PALLD: variants seen among roughly 807,000 people sequenced by gnomAD.
The protein encoded by PALLD is palladin, cytoskeletal associated protein.
In PALLD, 61 loss-of-function variants were observed where a neutral mutation model predicts 123.5. The observed-to-expected ratio is 0.49, with a 90% confidence interval of 0.40 to 0.61. PALLD has a LOEUF of 0.61. PALLD is among the 20% of genes least tolerant of loss of function. The probability of loss-of-function intolerance (pLI) is 0.00; values close to 1 mark genes in which losing one functional copy is unlikely to be tolerated. For synonymous variants in PALLD, 465 were observed against 496.4 expected (o/e 0.94, Z 0.84); for missense variants, 1,273 against 1,377.0 (o/e 0.92, Z 1.20).
At chr4:168,663,803 T>C (rs1051049272) in intron 2 of PALLD, among the ~76,000 whole-genome samples, 1 of 152,268 alleles carries the variant, frequency 6.6e-6, no homozygotes, top group Non-Finnish European at 1.5e-5. Context: ...TGATATCAAA[T>C]GTATTTATGC....
intron 2 of PALLD, among the ~76,000 whole-genome samples, chr4:168,625,198 C>T (rs2723692): frequency 0.77 from 116,125 of 151,574 alleles, 44,668 homozygotes; most frequent in Admixed American, 0.86. Context: ...ACTGGTGTGG[C>T]GGTAGCACCC....
At chr4:168,632,110 A>T (rs1010263221) in intron 2 of PALLD, among the ~76,000 whole-genome samples, 2 of 113,962 alleles carry the variant, frequency 1.8e-5, no homozygotes, top group Admixed American at 1.1e-4. Flanking sequence ...GCTTCGCGGG[A>T]CTTTTCTGTT....
chr4:168,600,091 G>GTGTATTCACACACATATATACATA (rs1561291419), intron 2 of PALLD, among the ~76,000 whole-genome samples: 1 of 133,792 alleles, frequency 7.5e-6, no homozygotes, highest in African/African-American at 2.6e-5. Flanking sequence ...ATATATACAT[G>GTGTATTCACACACATATATACATA]CATGTGTATG....
intron 10 of PALLD, among the ~76,000 whole-genome samples, chr4:168,739,648 A>T (rs77839264): frequency 0.024 from 3,650 of 152,274 alleles, 126 homozygotes; most frequent in African/African-American, 0.074. Flanking sequence ...TACACATTCT[A>T]TGCATGTGAC....
chr4:168,668,230 A>ATTCAAATCCACTGTGAGGGAGGG lies in PALLD; in HGVS notation c.950_972dup (p.Asp325PhefsTer13), dbSNP rs769584673. On this transcript the variant is annotated frameshift_variant, in exon 3 of 22. Transcript: ENST00000505667. LOFTEE classifies it high-confidence loss of function. ...GAAAGAACTGCACAACACTCCTGAT[A>ATTCAAATCCACTGTGAGGGAGGG]TTCAAATCCACTGTGAGGGAGGGGA... The ATTCAAATCCACTGTGAGGGAGGG allele has an allele frequency of 3.1e-6, 5 of 1,614,170 alleles. No individual in the cohort carries two copies. The East Asian group carries it at 1.1e-4, about 36-fold the overall frequency.
At chr4:168,798,974 C>G (rs748767847) in intron 10 of PALLD, among the ~76,000 whole-genome samples, 8 of 152,148 alleles carry the variant, frequency 5.3e-5, no homozygotes, top group Non-Finnish European at 8.8e-5. Flanking sequence ...AATCATGAAT[C>G]GGGCAGCCCG....
intron 3 of PALLD, among the ~76,000 whole-genome samples, chr4:168,679,214 TG>T (rs1781237623): frequency 8.9e-5 from 6 of 67,060 alleles, no homozygotes; most frequent in Non-Finnish European, 8.3e-5. Flanking sequence ...TGGATGTGTG[TG>T]GGGTGTGTGT....
intron 2 of PALLD, among the ~76,000 whole-genome samples, chr4:168,664,015 T>C (rs1779381299): frequency 2.0e-5 from 3 of 152,246 alleles, no homozygotes; most frequent in Non-Finnish European, 4.4e-5. Context: ...TGTAAAATGC[T>C]ACATACATAT....
intron 17 of PALLD, among the ~76,000 whole-genome samples, chr4:168,919,086 C>T (rs1435572232): frequency 6.6e-6 from 1 of 152,082 alleles, no homozygotes; most frequent in Non-Finnish European, 1.5e-5. Context: ...TATTTTTAAT[C>T]ATATTTAAGA....
Position 168,600,101 on chromosome 4 carries a change from G to GAACA in PALLD, c.909-68089_909-68088insAACA, listed in dbSNP as rs1561291484. 1.4e-4 allele frequency among the ~76,000 whole-genome samples: 16 copies of GAACA among 116,970 alleles called. 1 individual carries two copies. The highest frequency in any genetic ancestry group is 4.1e-4 in the African/African-American group (15 of 36,812). The allele number at this position is 116,970 out of a possible 152,430, so 76.7% of individuals were successfully genotyped here. On this transcript the variant is annotated intron_variant, in intron 2 of 21. Coordinates refer to ENST00000505667, the MANE Select transcript of PALLD (RefSeq NM_001166108.2). Reference sequence around the variant, plus strand: ...CACACATATATACATGCATGTGTATGCACACATATATATACATACATGTGT... The same window carrying GAACA: ...CACACATATATACATGCATGTGTATGAACACACACATATATATACATACATGTGT...
intron 15 of PALLD, among the ~76,000 whole-genome samples, chr4:168,904,982 C>A (rs573906306): frequency 2.0e-5 from 3 of 151,716 alleles, no homozygotes; most frequent in Admixed American, 6.6e-5. Context: ...CAAAAATTAG[C>A]CAGGTGTGGT....
At chr4:168,910,934 C>G (rs1758815833) in intron 15 of PALLD, among the ~76,000 whole-genome samples, 2 of 152,118 alleles carry the variant, frequency 1.3e-5, no homozygotes. Context: ...GAAATTCTTG[C>G]TGGGGTCCGC....
In PALLD at chr4:168,658,285, G is replaced by GTTTT. The variant is rs66527351; in HGVS notation, c.909-9891_909-9888dup. Reference sequence around the variant, plus strand: ...TTTGTTGGTGGTGGGTTTTTATTTGGTTTTTTTTTTTTTTTTTGTGATGAG... The same window carrying GTTTT: ...TTTGTTGGTGGTGGGTTTTTATTTGGTTTTTTTTTTTTTTTTTTTTTGTGATGAG... On this transcript the variant is annotated intron_variant, in intron 2 of 21. Transcript: ENST00000505667. Among the ~76,000 whole-genome samples the GTTTT allele has an allele frequency of 1.5e-3, 200 of 131,610 alleles. 5 individuals are homozygous for GTTTT. Among genetic ancestry groups the GTTTT allele is most frequent in the East Asian group, 8.4e-3 (39 of 4,644 alleles). The allele number at this position is 131,610 out of a possible 152,430, so 86.3% of individuals were successfully genotyped here.
chr4:168,538,910 A>T (rs1404125667), intron 2 of PALLD, among the ~76,000 whole-genome samples: 1 of 152,186 alleles, frequency 6.6e-6, no homozygotes, highest in Admixed American at 6.5e-5. Context: ...ATATGTTCCA[A>T]GTTTTGGATG....
intron 1 of PALLD, among the ~76,000 whole-genome samples, chr4:168,503,412 G>A (rs1468345374): frequency 2.6e-5 from 4 of 152,162 alleles, no homozygotes. Flanking sequence ...CACTTTGGGA[G>A]GCCAAGGCGG....
chr4:168,556,306 A>G (rs1317980008), intron 2 of PALLD, among the ~76,000 whole-genome samples: 1 of 152,122 alleles, frequency 6.6e-6, no homozygotes, highest in Non-Finnish European at 1.5e-5. Flanking sequence ...CGTGTTAGCC[A>G]GGATGCTCTC....
intron 10 of PALLD, among the ~76,000 whole-genome samples, chr4:168,850,053 T>C (rs1031618403): frequency 6.6e-6 from 1 of 152,218 alleles, no homozygotes; most frequent in African/African-American, 2.4e-5. Flanking sequence ...ATAAACTCCT[T>C]TAATCCTCCC....
intron 10 of PALLD, among the ~76,000 whole-genome samples, chr4:168,713,575 T>C (rs1449008238): frequency 6.6e-6 from 1 of 152,116 alleles, no homozygotes; most frequent in African/African-American, 2.4e-5. Flanking sequence ...TCTCAGGAGT[T>C]TCAACAGCTC....
chr4:168,597,998 T>C, intron 2 of PALLD, among the ~76,000 whole-genome samples: 1 of 152,160 alleles, frequency 6.6e-6, no homozygotes, highest in Non-Finnish European at 1.5e-5. Flanking sequence ...TTTATAAACA[T>C]GATTATCAAA....
Sources: gnomAD v4.1 joint callset for allele counts (sites outside exome capture counted in the v4.1 genomes callset) on GRCh38, gnomAD v4.1.1 for gene constraint, MANE v1.5 for transcripts, NCBI Gene and HGNC (gene_info 2026-07-23, HGNC 2026-07-21) for gene names.